Variants in DRD2 observed in about 807,000 individuals in gnomAD.
DRD2 encodes the protein D(2) dopamine receptor.
Under a neutral mutation model 38.0 loss-of-function variants are expected in DRD2, and 8 were observed. The observed-to-expected ratio is 0.21, with a 90% confidence interval of 0.12 to 0.38. The LOEUF is 0.38. Among genes scored for constraint, DRD2 ranks in the 10% least tolerant of loss-of-function variants. The pLI is 1.00. For missense variants in DRD2, 403 were observed against 607.7 expected, an observed-to-expected ratio of 0.66 and a Z score of 3.54; for synonymous variants, 230 against 238.6, an observed-to-expected ratio of 0.96 and a Z score of 0.33.
intron 1 of DRD2, among the ~76,000 whole-genome samples, chr11:113,439,407 A>T (rs1951066276): frequency 6.6e-6 from 1 of 152,228 alleles, no homozygotes; most frequent in South Asian, 2.1e-4. Flanking sequence ...CCACTAGCAC[A>T]GTCTCTGAGA....
At chr11:113,467,693 A>G (rs1489494080) in intron 1 of DRD2, among the ~76,000 whole-genome samples, 1 of 152,266 alleles carries the variant, frequency 6.6e-6, no homozygotes, top group Non-Finnish European at 1.5e-5. Flanking sequence ...TAGCAGACAC[A>G]GAGCCCAGGA....
chr11:113,411,023 T>C, intron 7 of DRD2, 103 bp from the exon 8 acceptor site: 1 of 1,292,166 alleles, frequency 7.7e-7, no homozygotes, highest in Non-Finnish European at 1.1e-6. Context: ...GACGGTGGGC[T>C]GTAGCCACAG....
intron 1 of DRD2, among the ~76,000 whole-genome samples, chr11:113,458,320 T>G (rs1327547380): frequency 6.6e-6 from 1 of 152,258 alleles, no homozygotes; most frequent in South Asian, 2.1e-4. Context: ...TTGATTTCCT[T>G]TTTTATTGCA....
intron 7 of DRD2, 48 bp from the exon 8 acceptor site, chr11:113,410,968 C>T (rs200713456): frequency 3.5e-5 from 55 of 1,573,030 alleles, no homozygotes; most frequent in South Asian, 9.6e-5. Context: ...CGGGGAGGCA[C>T]GGCTGGGAAC....
At chr11:113,435,914 A>G (rs1261741225) in intron 1 of DRD2, among the ~76,000 whole-genome samples, 1 of 152,212 alleles carries the variant, frequency 6.6e-6, no homozygotes, top group Non-Finnish European at 1.5e-5. Context: ...TGGAGGAAAA[A>G]CAATCCTGCC....
Position 113,424,736 on chromosome 11 carries a change from C to G in DRD2, c.-31-54G>C. 5 of 1,562,870 alleles carry G rather than the reference C, an allele frequency of 3.2e-6. No individual in the cohort carries two copies. The South Asian group carries it at 4.5e-5, about 14-fold the overall frequency. Reference sequence around the variant, plus strand: ...CAGTGAGAGGGCCTCTTGCAGAGGTCTCCAGGAAGAAGACCAACTCCTGGC... The same window carrying G: ...CAGTGAGAGGGCCTCTTGCAGAGGTGTCCAGGAAGAAGACCAACTCCTGGC... On this transcript the variant is annotated intron_variant, in intron 1 of 7. Coordinates refer to ENST00000362072, the MANE Select transcript of DRD2 (RefSeq NM_000795.4).
intron 1 of DRD2, among the ~76,000 whole-genome samples, chr11:113,463,085 T>C (rs533964271): frequency 6.6e-6 from 1 of 152,320 alleles, no homozygotes; most frequent in South Asian, 2.1e-4. Flanking sequence ...AAAACGGGAA[T>C]GTTGGTGGTG....
chr11:113,428,567 G>A (rs1950959638), intron 1 of DRD2, among the ~76,000 whole-genome samples: 1 of 152,216 alleles, frequency 6.6e-6, no homozygotes. Context: ...ATATGCACAT[G>A]TGTGTGGCTG....
intron 1 of DRD2, among the ~76,000 whole-genome samples, chr11:113,453,723 G>A (rs182084896): frequency 1.6e-4 from 24 of 152,312 alleles, no homozygotes; most frequent in Admixed American, 3.3e-4. Flanking sequence ...GCCGGCACAC[G>A]GAAGGGGTTG....
At chr11:113,436,700 T>C (rs1337221419) in intron 1 of DRD2, among the ~76,000 whole-genome samples, 1 of 152,240 alleles carries the variant, frequency 6.6e-6, no homozygotes, top group African/African-American at 2.4e-5. Context: ...TTGAGGTTCA[T>C]GACGCTATTC....
intron 1 of DRD2, among the ~76,000 whole-genome samples, chr11:113,471,698 A>T (rs1391525902): frequency 6.6e-6 from 1 of 152,212 alleles, no homozygotes; most frequent in African/African-American, 2.4e-5. Context: ...AATTCATTGG[A>T]AAAAGTTCTG....
chr11:113,474,129 T>C (rs1188718360), intron 1 of DRD2: 1 of 152,160 alleles, frequency 6.6e-6, no homozygotes, highest in African/African-American at 2.4e-5. Flanking sequence ...TCAGACAGCT[T>C]CCTTGTGGCT....
intron 1 of DRD2, among the ~76,000 whole-genome samples, chr11:113,471,824 A>G (rs1328065831): frequency 2.0e-5 from 3 of 152,208 alleles, no homozygotes; most frequent in Non-Finnish European, 4.4e-5. Context: ...CAAGAAGATA[A>G]CCTAAGAATC....
chr11:113,458,360 T>C (rs1476448918), intron 1 of DRD2, among the ~76,000 whole-genome samples: 1 of 151,710 alleles, frequency 6.6e-6, no homozygotes, highest in East Asian at 1.9e-4. Context: ...ATGGGTGATA[T>C]GGGATGCCAG....
intron 1 of DRD2, among the ~76,000 whole-genome samples, chr11:113,467,629 G>T (rs545656143): frequency 6.6e-6 from 1 of 152,304 alleles, no homozygotes; most frequent in East Asian, 1.9e-4. Context: ...ACTGGCCTGT[G>T]CCAGAGCAAC....
intron 1 of DRD2, among the ~76,000 whole-genome samples, chr11:113,472,058 AT>A (rs1951432825): frequency 6.6e-6 from 1 of 152,226 alleles, no homozygotes; most frequent in African/African-American, 2.4e-5. Flanking sequence ...ATTCATAGGT[AT>A]TAAGCCACAA....
chr11:113,410,835 G>A lies in DRD2; in HGVS notation c.1224C>T (p.Tyr408=), dbSNP rs1433494357. ...HCDCNIPPVL[Y]SAFTWLGYVN... is the part of the protein sequence containing the mutation. ...CATAGCCCAGCCACGTGAAGGCGCT[G>A]TACAGGACAGGCGGGATGTTGCAGT... The change falls in exon 8 of 8, where the codon TAC becomes TAT. Residue 408 remains tyrosine, a synonymous_variant. Coordinates refer to ENST00000362072, the MANE Select transcript of DRD2 (RefSeq NM_000795.4). 1 of 1,614,092 alleles carries A rather than the reference G, an allele frequency of 6.2e-7. No homozygotes were observed.
intron 1 of DRD2, among the ~76,000 whole-genome samples, chr11:113,452,010 A>G (rs2119911779): frequency 6.6e-6 from 1 of 152,258 alleles, no homozygotes; most frequent in African/African-American, 2.4e-5. Flanking sequence ...GGCCCCCTCC[A>G]GCCCAACACA....
chr11:113,475,318 C>A lies in DRD2; in HGVS notation c.-274G>T, dbSNP rs1951472993. The A allele has an allele frequency of 6.8e-6, 1 of 147,660 alleles. No individual in the cohort carries two copies. The highest frequency in any genetic ancestry group is 6.8e-5 in the Admixed American group (1 of 14,770). The allele number at this position is 147,660 out of a possible 1,614,324, so 9.1% of individuals were successfully genotyped here. ...CGGGGCGGGGCGGGGCGGGGCCGGG[C>A]GCGGGGCGGGCGGGCAGGAGGGAGC... On this transcript the variant is annotated 5_prime_UTR_variant, in exon 1 of 8. Coordinates refer to ENST00000362072, the MANE Select transcript of DRD2 (RefSeq NM_000795.4).
Sources: gnomAD v4.1 joint callset for allele counts (sites outside exome capture counted in the v4.1 genomes callset) on GRCh38, gnomAD v4.1.1 for gene constraint, MANE v1.5 for transcripts, NCBI Gene and HGNC (gene_info 2026-07-23, HGNC 2026-07-21) for gene names.